Variants in AGBL1 observed in about 807,000 individuals in gnomAD.
AGBL1 encodes AGBL carboxypeptidase 1.
AGBL1 carries 130 observed loss-of-function variants against 118.9 expected under a neutral mutation model. The ratio of observed to expected loss-of-function variants is 1.09; its 90% CI spans 0.95 to 1.26. AGBL1 has a LOEUF of 1.26. Among genes scored for constraint, AGBL1 ranks in the 50% most tolerant of loss-of-function variants. The pLI, the probability that AGBL1 is intolerant of heterozygous loss-of-function variation, is 0.00. For synonymous variants in AGBL1, 555 were observed against 478.9 expected, an observed-to-expected ratio of 1.16 and a Z score of -2.08; for missense variants, 1,584 against 1,298.1, an observed-to-expected ratio of 1.22 and a Z score of -3.38.
intron 1 of AGBL1, among the ~76,000 whole-genome samples, chr15:86,109,203 G>T (rs952327704): frequency 6.6e-6 from 1 of 152,048 alleles, no homozygotes; most frequent in African/African-American, 2.4e-5. Context: ...TAATAACCAG[G>T]GGTAGATCTA....
At chr15:86,392,756 A>G (rs917768832) in intron 17 of AGBL1, among the ~76,000 whole-genome samples, 2 of 152,184 alleles carry the variant, frequency 1.3e-5, no homozygotes, top group Admixed American at 6.5e-5. Context: ...AATTCAATAT[A>G]TAGCTTTAAG....
At chr15:86,172,209 A>G (rs185087126) in intron 5 of AGBL1, among the ~76,000 whole-genome samples, 15 of 152,298 alleles carry the variant, frequency 9.8e-5, no homozygotes, top group African/African-American at 3.1e-4. Flanking sequence ...ATTGTGCTGC[A>G]TATAAGAAAC....
At chr15:86,496,091 C>T (rs921586893) in intron 18 of AGBL1, among the ~76,000 whole-genome samples, 23 of 151,988 alleles carry the variant, frequency 1.5e-4, no homozygotes, top group Admixed American at 1.3e-3. Flanking sequence ...CTTATAATCC[C>T]GGCATGTTGA....
intron 22 of AGBL1, among the ~76,000 whole-genome samples, chr15:86,827,316 TACACACAC>T (rs1174519239): frequency 4.9e-4 from 5 of 10,190 alleles, no homozygotes; most frequent in African/African-American, 7.3e-4. Flanking sequence ...TATATATATA[TACACACAC>T]ATATATATAT....
intron 23 of AGBL1, chr15:86,987,903 G>T: frequency 1.3e-6 from 2 of 1,504,588 alleles, no homozygotes; most frequent in Admixed American, 2.0e-5. Context: ...TCAATAATAT[G>T]TTTTTAAAAT....
intron 18 of AGBL1, among the ~76,000 whole-genome samples, chr15:86,430,789 C>T (rs1298188734): frequency 7.9e-5 from 12 of 152,128 alleles, no homozygotes; most frequent in Admixed American, 7.2e-4. Context: ...ACAGCACTCA[C>T]TTTTGAGAAT....
At chr15:86,229,773 T>G (rs2078425806) in intron 6 of AGBL1, among the ~76,000 whole-genome samples, 1 of 152,198 alleles carries the variant, frequency 6.6e-6, no homozygotes, top group Non-Finnish European at 1.5e-5. Context: ...GCAATGGGAT[T>G]ATGCCTGATT....
intron 22 of AGBL1, among the ~76,000 whole-genome samples, chr15:86,899,310 T>C (rs551749633): frequency 7.2e-5 from 11 of 152,276 alleles, no homozygotes; most frequent in African/African-American, 2.6e-4. Flanking sequence ...CCACGTGTTA[T>C]CACTTATAAG....
chr15:86,504,652 C>T (rs2082954270), intron 18 of AGBL1, among the ~76,000 whole-genome samples: 1 of 151,460 alleles, frequency 6.6e-6, no homozygotes, highest in African/African-American at 2.4e-5. Flanking sequence ...AACTTAATTG[C>T]AATAGTGTAC....
Position 86,270,077 on chromosome 15 carries a change from C to G in AGBL1, c.1987+10C>G, listed in dbSNP as rs890205213. The G allele has an allele frequency of 1.5e-5, 24 of 1,606,670 alleles. No individual in the cohort carries two copies. The highest frequency in any genetic ancestry group is 2.0e-5 in the Non-Finnish European group (23 of 1,176,516). On this transcript the variant is annotated intron_variant, in intron 14 of 22. Transcript: ENST00000614907. ...AGCCAGTTTAATTATGGTATGAACG[C>G]TTGGGGAGCAGGGGCTTTCTGGAAC...
At chr15:86,415,974 CT>C (rs1389728805) in intron 18 of AGBL1, among the ~76,000 whole-genome samples, 1 of 152,040 alleles carries the variant, frequency 6.6e-6, no homozygotes, top group Non-Finnish European at 1.5e-5. Context: ...TTTCACATGA[CT>C]TTTTTTTCAC....
chr15:86,824,194 C>T (rs1349168053), intron 22 of AGBL1, among the ~76,000 whole-genome samples: 1 of 152,022 alleles, frequency 6.6e-6, no homozygotes. Context: ...ATCTATCCTA[C>T]CCAATACCCC....
intron 22 of AGBL1, among the ~76,000 whole-genome samples, chr15:86,729,671 C>G (rs1239250588): frequency 6.6e-6 from 1 of 152,118 alleles, no homozygotes; most frequent in African/African-American, 2.4e-5. Context: ...GTCTGTCCAG[C>G]CCACTGTTGA....
intron 23 of AGBL1, among the ~76,000 whole-genome samples, chr15:86,931,879 T>G (rs1445518175): frequency 6.6e-6 from 1 of 152,152 alleles, no homozygotes; most frequent in Non-Finnish European, 1.5e-5. Flanking sequence ...TACTTTAAAA[T>G]TCTTGAATGG....
intron 24 of AGBL1, among the ~76,000 whole-genome samples, chr15:87,025,052 C>T (rs775216236): frequency 7.9e-5 from 12 of 151,970 alleles, no homozygotes; most frequent in Non-Finnish European, 1.8e-4. Context: ...TGAAAGCATT[C>T]CCTCTGAGAA....
intron 22 of AGBL1, among the ~76,000 whole-genome samples, chr15:86,899,522 CT>C (rs1436998099): frequency 6.6e-6 from 1 of 152,120 alleles, no homozygotes; most frequent in Non-Finnish European, 1.5e-5. Context: ...ACAAGTACCC[CT>C]GAACCTAAAA....
chr15:86,926,199 A>C (rs1191259395), intron 23 of AGBL1, among the ~76,000 whole-genome samples: 1 of 151,786 alleles, frequency 6.6e-6, no homozygotes, highest in African/African-American at 2.4e-5. Flanking sequence ...GCCTCTGTCT[A>C]TCCTCTCCTT....
chr15:86,213,130 C>A (rs970801150), intron 5 of AGBL1, among the ~76,000 whole-genome samples: 1 of 152,170 alleles, frequency 6.6e-6, no homozygotes, highest in African/African-American at 2.4e-5. Flanking sequence ...GAACCGCAGA[C>A]CTTAGTTAGG....
chr15:86,453,224 G>C (rs1019456351), intron 18 of AGBL1, among the ~76,000 whole-genome samples: 3 of 152,164 alleles, frequency 2.0e-5, no homozygotes, highest in Non-Finnish European at 2.9e-5. Context: ...AGAAATAAAA[G>C]GTTGTAAGGG....
Sources: gnomAD v4.1 joint callset for allele counts (sites outside exome capture counted in the v4.1 genomes callset) on GRCh38, gnomAD v4.1.1 for gene constraint, MANE v1.5 for transcripts, NCBI Gene and HGNC (gene_info 2026-07-23, HGNC 2026-07-21) for gene names.